The following RFWD3 variants were observed in gnomAD, a reference collection of about 807,000 sequenced individuals.
RFWD3 encodes ring finger and WD repeat domain 3, also known as E3 ubiquitin-protein ligase RFWD3.
Under a neutral mutation model 87.7 loss-of-function variants are expected in RFWD3, and 65 were observed. The observed-to-expected ratio is 0.74, with a 90% confidence interval of 0.61 to 0.91. The LOEUF is 0.91. Ranked by LOEUF, RFWD3 falls within the 40% of genes least tolerant of loss-of-function variation. The probability of loss-of-function intolerance (pLI) is 0.00; values close to 1 mark genes in which losing one functional copy is unlikely to be tolerated. For missense variants in RFWD3, 1,078 were observed against 938.5 expected (o/e 1.15, Z -1.94); for synonymous variants, 433 against 352.8 (o/e 1.23, Z -2.55).
At chr16:74,632,282 C>T (rs1262265547) in intron 9 of RFWD3, among the ~76,000 whole-genome samples, 1 of 152,006 alleles carries the variant, frequency 6.6e-6, no homozygotes, top group Non-Finnish European at 1.5e-5. Context: ...GTCCTAGCTA[C>T]TCGGGAGGCT....
intron 1 of RFWD3, chr16:74,666,417 G>C (rs895635254): frequency 1.3e-5 from 2 of 152,180 alleles, no homozygotes; most frequent in Non-Finnish European, 2.9e-5. Context: ...TCGGCGCTCA[G>C]AGCGGGCGCA....
chr16:74,662,488 A>G (rs1181587353), intron 1 of RFWD3, among the ~76,000 whole-genome samples: 1 of 152,228 alleles, frequency 6.6e-6, no homozygotes, highest in Non-Finnish European at 1.5e-5. Flanking sequence ...AAATACATGA[A>G]AAAAATTATA....
rs955547385 is a variant in RFWD3 at position 74,632,589 on chromosome 16, G to A, written c.1511C>T (p.Ala504Val). Residue 504 changes from alanine (A) to valine (V), a missense_variant, in exon 9 of 13, where the codon GCG becomes GTG. Physicochemically the swap from Ala to Val is moderately conservative, Grantham distance 64. Transcript: ENST00000361070. ...CAAGCCTCTGAGGTAACTGCTAAACGCCAGTCCACGGATCTGTTTGCCATG... is the reference window on the plus strand; with the variant it reads ...CAAGCCTCTGAGGTAACTGCTAAACACCAGTCCACGGATCTGTTTGCCATG... ...PMHGKQIRGL[A>V]FSSYLRGLLL... The A allele has an allele frequency of 1.5e-5, 24 of 1,613,902 alleles. No homozygotes were observed. The highest frequency in any genetic ancestry group is 8.8e-5 in the South Asian group (8 of 91,082).
intron 2 of RFWD3, among the ~76,000 whole-genome samples, chr16:74,656,604 T>G (rs1961009512): frequency 6.6e-6 from 1 of 152,076 alleles, no homozygotes; most frequent in Admixed American, 6.5e-5. Flanking sequence ...ACTACAGGCA[T>G]GCACACCATG....
intron 12 of RFWD3, among the ~76,000 whole-genome samples, chr16:74,624,705 TTTA>T (rs1472523348): frequency 2.0e-5 from 3 of 152,070 alleles, no homozygotes; most frequent in Non-Finnish European, 2.9e-5. Flanking sequence ...CCTCTAAAAA[TTTA>T]TTATTGGCCA....
chr16:74,649,277 G>A, intron 3 of RFWD3, 75 bp from the exon 4 acceptor site: 2 of 1,081,192 alleles, frequency 1.8e-6, no homozygotes, highest in Non-Finnish European at 2.7e-6. Flanking sequence ...GAAGCTAGCA[G>A]GAGAGAGCCT....
intron 2 of RFWD3, among the ~76,000 whole-genome samples, chr16:74,653,956 G>A (rs186080651): frequency 3.3e-5 from 5 of 152,180 alleles, no homozygotes; most frequent in African/African-American, 1.2e-4. Context: ...CAATCAAGTT[G>A]CTTTTCTTTT....
chr16:74,661,087 G>T lies in RFWD3; in HGVS notation c.363C>A (p.Thr121=), dbSNP rs749859557. ...GTCTCTGCAGTCCGCTGATGAAGTT[G>T]GTCATTGAATGCAACGAAGATGCTG... is the stretch of plus-strand genomic sequence containing the variant. ...TIPASSLHSM[T]NFISGLQRLH... The change falls in exon 2 of 13, where the codon ACC becomes ACA. Residue 121 remains threonine, a synonymous_variant. Transcript: ENST00000361070. 1 of 1,614,194 alleles carries T rather than the reference G, an allele frequency of 6.2e-7. No individual in the cohort carries two copies. The highest frequency in any genetic ancestry group is 8.5e-7 in the Non-Finnish European group (1 of 1,180,038).
At chr16:74,657,115 C>T (rs573132788) in intron 2 of RFWD3, among the ~76,000 whole-genome samples, 10 of 152,242 alleles carry the variant, frequency 6.6e-5, no homozygotes, top group African/African-American at 2.4e-4. Context: ...TGGGGTTTTC[C>T]AGAGAACCAC....
At chr16:74,650,447 T>C (rs1345634679) in intron 3 of RFWD3, among the ~76,000 whole-genome samples, 1 of 151,804 alleles carries the variant, frequency 6.6e-6, no homozygotes, top group Non-Finnish European at 1.5e-5. Flanking sequence ...TGCAGCACAT[T>C]AGAGGCACAT....
chr16:74,634,748 G>A (rs1390865062), intron 8 of RFWD3, among the ~76,000 whole-genome samples: 1 of 151,510 alleles, frequency 6.6e-6, no homozygotes, highest in African/African-American at 2.4e-5. Flanking sequence ...AGCTTCTCCA[G>A]GGAACCAAGC....
intron 1 of RFWD3, among the ~76,000 whole-genome samples, chr16:74,665,499 A>T (rs1208665519): frequency 6.6e-6 from 1 of 150,944 alleles, no homozygotes; most frequent in Admixed American, 6.6e-5. Flanking sequence ...AATCGCTTGA[A>T]CCCGGGAGGC....
chr16:74,648,851 C>T (rs138038179), intron 4 of RFWD3, among the ~76,000 whole-genome samples: 1,557 of 152,002 alleles, frequency 0.01, 20 homozygotes, highest in Middle Eastern at 0.027. Flanking sequence ...TTTGGGAGGC[C>T]GAGGCAGGAC....
At chr16:74,633,006 G>T (rs1263428282) in intron 8 of RFWD3, among the ~76,000 whole-genome samples, 1 of 152,054 alleles carries the variant, frequency 6.6e-6, no homozygotes, top group African/African-American at 2.4e-5. Flanking sequence ...GCCAGGCATG[G>T]TGTCTCACCT....
At chr16:74,637,133 A>C (rs1301200359) in intron 7 of RFWD3, among the ~76,000 whole-genome samples, 1 of 150,144 alleles carries the variant, frequency 6.7e-6, no homozygotes, top group Non-Finnish European at 1.5e-5. Context: ...AAAAAAAAAA[A>C]AAAAAAAAAA....
chr16:74,644,672 T>C lies in RFWD3; in HGVS notation c.856A>G (p.Thr286Ala). The C allele has an allele frequency of 6.2e-7, 1 of 1,614,240 alleles. No individual in the cohort carries two copies. The highest frequency in any genetic ancestry group is 8.5e-7 in the Non-Finnish European group (1 of 1,180,042). Residue 286 changes from threonine to alanine, a missense_variant, in exon 5 of 13, where the codon ACT (threonine) becomes GCT (alanine). Physicochemically the swap from Thr to Ala is moderately conservative, Grantham distance 58 (BLOSUM62 0). Transcript: ENST00000361070. ...SASMDEEEGD[T>A]CTICLEQWTN... ...CACTGTTCCAGACATATTGTACAAGTGTCCCCTTCTTCCTCATCCATAGAA... is the reference window on the plus strand; with the variant it reads ...CACTGTTCCAGACATATTGTACAAGCGTCCCCTTCTTCCTCATCCATAGAA...
At chr16:74,629,056 G>T (rs147900771) in intron 10 of RFWD3, among the ~76,000 whole-genome samples, 583 of 152,254 alleles carry the variant, frequency 3.8e-3, no homozygotes, top group Non-Finnish European at 6.1e-3. Context: ...AGTTGTAGTT[G>T]ACAGACCCCA....
chr16:74,626,558 T>C lies in RFWD3; in HGVS notation c.1970-4A>G. The C allele has an allele frequency of 6.2e-7, 1 of 1,613,006 alleles. No homozygotes were observed. The highest frequency in any genetic ancestry group is 8.5e-7 in the Non-Finnish European group (1 of 1,179,036). On this transcript the variant is annotated splice_region_variant and splice_polypyrimidine_tract_variant and intron_variant, in intron 11 of 12. Transcript: ENST00000361070. ...CGTATGGTGGTGTGATTTTTATCTATGGGACAGAGAAATCAGTGCTGCACC... is the reference window on the plus strand; with the variant it reads ...CGTATGGTGGTGTGATTTTTATCTACGGGACAGAGAAATCAGTGCTGCACC...
At position 74,628,543 on chromosome 16, in the gene RFWD3, A is replaced by G. The variant is rs777799464; in HGVS notation, c.1878T>C (p.His626=). ...GCTCCAAGGGCAGCACATGAGGCCA[A>G]TGAGAAAAGTCCATTTTCTGTTCCC... ...SFWEQKMDFS[H]WPHVLPLEPG... The change falls in exon 11 of 13, where the codon CAT becomes CAC. Residue 626 remains histidine (H), a synonymous_variant. Transcript: ENST00000361070. 1.5e-5 allele frequency: 24 copies of G among 1,614,208 alleles called. No homozygotes were observed. The Admixed American group carries it at 1.5e-4, about 10-fold the overall frequency.
Sources: gnomAD v4.1 joint callset for allele counts (sites outside exome capture counted in the v4.1 genomes callset) on GRCh38, gnomAD v4.1.1 for gene constraint, MANE v1.5 for transcripts, NCBI Gene and HGNC (gene_info 2026-07-23, HGNC 2026-07-21) for gene names.